The following SYT17 variants were observed in gnomAD, a reference collection of about 807,000 sequenced individuals.
The protein encoded by SYT17 is synaptotagmin-17.
Under a neutral mutation model 46.7 loss-of-function variants are expected in SYT17, and 22 were observed. That is an observed-to-expected ratio of 0.47 (90% confidence interval 0.34 to 0.67). The LOEUF is 0.67. Ranked by LOEUF, SYT17 falls within the 30% of genes least tolerant of loss-of-function variation. SYT17 has a pLI of 0.01. For synonymous variants in SYT17, 251 were observed against 248.4 expected (o/e 1.01, Z -0.10); for missense variants, 519 against 612.8 (o/e 0.85, Z 1.62).
At chr16:19,173,056 G>A (rs989668207) in intron 2 of SYT17, 3 of 571,986 alleles carry the variant, frequency 5.2e-6, no homozygotes, top group Non-Finnish European at 9.1e-6. Context: ...TTTTTCCCCT[G>A]CTTTCAAGAA....
chr16:19,264,595 C>CCTT (rs1969230963), intron 7 of SYT17, among the ~76,000 whole-genome samples: 1 of 84,822 alleles, frequency 1.2e-5, no homozygotes, highest in East Asian at 2.0e-3. Context: ...ATTTCCCCCA[C>CCTT]CTTTTTTTTT....
intron 7 of SYT17, among the ~76,000 whole-genome samples, chr16:19,263,777 A>G (rs538712258): frequency 6.6e-6 from 1 of 152,338 alleles, no homozygotes; most frequent in East Asian, 1.9e-4. Flanking sequence ...AAAACATGGC[A>G]TATCCATACA....
At chr16:19,245,522 C>T (rs549412336) in intron 7 of SYT17, among the ~76,000 whole-genome samples, 103 of 152,258 alleles carry the variant, frequency 6.8e-4, no homozygotes, top group Admixed American at 2.4e-3. Flanking sequence ...CTGTTCTGCA[C>T]CTGTTTGAGG....
At chr16:19,180,344 C>A (rs775092685) in intron 3 of SYT17, 47 bp from the exon 4 acceptor site, 54 of 1,604,104 alleles carry the variant, frequency 3.4e-5, no homozygotes, top group Non-Finnish European at 4.5e-5. Context: ...AGATGCCAGT[C>A]CCCGGGGATT....
chr16:19,256,856 G>A (rs1034224433), intron 7 of SYT17, among the ~76,000 whole-genome samples: 1 of 152,106 alleles, frequency 6.6e-6, no homozygotes, highest in African/African-American at 2.4e-5. Context: ...GGGATTACAG[G>A]CATAAGCCAC....
At chr16:19,220,908 C>T (rs948904734) in intron 5 of SYT17, among the ~76,000 whole-genome samples, 8 of 152,116 alleles carry the variant, frequency 5.3e-5, no homozygotes, top group African/African-American at 1.7e-4. Flanking sequence ...AATGAAGAAC[C>T]TGTCTGGGCA....
chr16:19,190,064 C>T (rs931639508), intron 5 of SYT17, among the ~76,000 whole-genome samples: 7 of 152,188 alleles, frequency 4.6e-5, no homozygotes, highest in Middle Eastern at 3.4e-3. Flanking sequence ...GTGAGTAGGA[C>T]AAGGGGATTG....
chr16:19,179,139 T>C (rs1294765925), intron 3 of SYT17, among the ~76,000 whole-genome samples: 1 of 152,164 alleles, frequency 6.6e-6, no homozygotes, highest in African/African-American at 2.4e-5. Flanking sequence ...ATTTTATTTA[T>C]TTTTGAGACA....
intron 7 of SYT17, among the ~76,000 whole-genome samples, chr16:19,246,072 C>G (rs1967534640): frequency 6.6e-6 from 1 of 151,306 alleles, no homozygotes; most frequent in Non-Finnish European, 1.5e-5. Flanking sequence ...GTGGTGCGAT[C>G]TTGGCTCACT....
rs1969397123 is a variant in SYT17 at position 19,266,876 on chromosome 16, C to G, written c.1229-4C>G. 1.2e-6 allele frequency: 2 copies of G among 1,612,020 alleles called. No individual in the cohort carries two copies. Among genetic ancestry groups the G allele is most frequent in the South Asian group, 1.1e-5 (1 of 90,898 alleles). On this transcript the variant is annotated splice_region_variant and splice_polypyrimidine_tract_variant and intron_variant, in intron 7 of 7. Coordinates refer to ENST00000355377, the MANE Select transcript of SYT17 (RefSeq NM_016524.4). ...CTCCTGCCCTCAACCCTCTGGCTCC[C>G]TAGTTTTCGGCCACAACATGAAGAG...
chr16:19,250,371 G>GTGTGTGTGTT (rs1967964090), intron 7 of SYT17, among the ~76,000 whole-genome samples: 1 of 148,908 alleles, frequency 6.7e-6, no homozygotes, highest in Non-Finnish European at 1.5e-5. Flanking sequence ...GTGTGTGTGT[G>GTGTGTGTGTT]TGTGTGTGTG....
chr16:19,237,531 C>T (rs1315385969), intron 7 of SYT17, among the ~76,000 whole-genome samples: 1 of 152,210 alleles, frequency 6.6e-6, no homozygotes, highest in Non-Finnish European at 1.5e-5. Flanking sequence ...GACCCGACAA[C>T]CCAAAAGTTA....
intron 7 of SYT17, among the ~76,000 whole-genome samples, chr16:19,239,705 C>T (rs905747957): frequency 3.3e-5 from 5 of 152,168 alleles, no homozygotes; most frequent in African/African-American, 9.7e-5. Context: ...CTTTTCTGGC[C>T]GGAAACCACT....
chr16:19,232,946 TA>T (rs570920907), intron 7 of SYT17, among the ~76,000 whole-genome samples: 5 of 152,262 alleles, frequency 3.3e-5, no homozygotes, highest in African/African-American at 1.2e-4. Flanking sequence ...TCAGGGACTT[TA>T]AAAAAACTCT....
At chr16:19,225,413 G>A (rs1254931755) in intron 7 of SYT17, among the ~76,000 whole-genome samples, 1 of 152,302 alleles carries the variant, frequency 6.6e-6, no homozygotes, top group East Asian at 1.9e-4. Context: ...TTTCCAGGGT[G>A]TAATCTAATG....
chr16:19,211,113 G>A (rs1965881686), intron 5 of SYT17: 1 of 280,378 alleles, frequency 3.6e-6, no homozygotes, highest in Admixed American at 5.1e-5. Context: ...TGTCTATTTT[G>A]GTTCTCCCTA....
intron 7 of SYT17, among the ~76,000 whole-genome samples, chr16:19,241,956 A>G (rs1035901992): frequency 2.6e-5 from 4 of 151,954 alleles, no homozygotes; most frequent in Non-Finnish European, 5.9e-5. Context: ...GCCCTTCACT[A>G]TCATCAATAG....
At chr16:19,250,415 G>A (rs1967972594) in intron 7 of SYT17, among the ~76,000 whole-genome samples, 1 of 139,720 alleles carries the variant, frequency 7.2e-6, no homozygotes, top group Non-Finnish European at 1.6e-5. Context: ...TTGGAGACAG[G>A]GTCTCACTCT....
At chr16:19,240,867 AG>A (rs1321247368) in intron 7 of SYT17, among the ~76,000 whole-genome samples, 2 of 151,258 alleles carry the variant, frequency 1.3e-5, no homozygotes, top group South Asian at 2.1e-4. Context: ...CCGAGGCATC[AG>A]GGGGCTGTCA....
Sources: allele counts gnomAD v4.1 joint callset (sites outside exome capture counted in the v4.1 genomes callset), GRCh38; gene constraint gnomAD v4.1.1; transcripts MANE v1.5; gene names NCBI Gene and HGNC (gene_info 2026-07-23, HGNC 2026-07-21).